The following PXN variants were observed in gnomAD, a reference collection of about 807,000 sequenced individuals.
The protein encoded by PXN is paxillin, also known as testicular tissue protein Li 134.
In PXN, 61 loss-of-function variants were observed where a neutral mutation model predicts 103.6. The ratio of observed to expected loss-of-function variants is 0.59; its 90% CI spans 0.48 to 0.73. The LOEUF is 0.73. Among genes scored for constraint, PXN ranks in the 30% least tolerant of loss-of-function variants. The probability of loss-of-function intolerance (pLI) is 0.00; values close to 1 mark genes in which losing one functional copy is unlikely to be tolerated. For missense variants in PXN, 1,274 were observed against 1,460.3 expected, an observed-to-expected ratio of 0.87 and a Z score of 2.08; for synonymous variants, 562 against 607.8, an observed-to-expected ratio of 0.92 and a Z score of 1.11.
intron 3 of PXN, 55 bp from the exon 4 acceptor site, chr12:120,223,054 G>C (rs1171339234): frequency 3.1e-6 from 5 of 1,611,774 alleles, no homozygotes; most frequent in Non-Finnish European, 4.2e-6. Flanking sequence ...CCTTGTACTG[G>C]CTTGGCAGTT....
rs1402714153 is a variant in PXN at position 120,217,946 on chromosome 12, T to A, written c.1717-830A>T. 6.6e-6 allele frequency among the ~76,000 whole-genome samples: 1 copy of A among 151,708 alleles called. No homozygotes were observed. Among genetic ancestry groups the A allele is most frequent in the Non-Finnish European group, 1.5e-5 (1 of 67,964 alleles). The stretch of plus-strand genomic sequence containing the variant: ...TTTTTTTTTCTTATTTATATTATTA[T>A]GCTAATATTATATTATGCTATTATA... On this transcript the variant is annotated intron_variant, in intron 7 of 14. Transcript: ENST00000637617. This position sits in a 1 kb window ranked among gnomAD's most constrained non-coding sequence, Gnocchi z 4.1.
chr12:120,215,847 AG>A lies in PXN; in HGVS notation c.2302-187del, dbSNP rs1205913469. On this transcript the variant is annotated intron_variant, in intron 9 of 14. Coordinates refer to ENST00000637617, the MANE Select transcript of PXN (RefSeq NM_001385981.1). This position sits in a 1 kb window ranked among gnomAD's most constrained non-coding sequence, Gnocchi z 4.9. ...CCCTGAGAGAGAGGCCTAGGGAGAAAGGAAGAAGGACAGGGAGGGGAGTCGA... is the reference window on the plus strand; with the variant it reads ...CCCTGAGAGAGAGGCCTAGGGAGAAAGAAGAAGGACAGGGAGGGGAGTCGA... 1 of 1,306,894 alleles carries A rather than the reference AG, an allele frequency of 7.7e-7. No homozygotes were observed. Among genetic ancestry groups the A allele is most frequent in the African/African-American group, 1.5e-5 (1 of 65,870 alleles). 81.0% of individuals were successfully genotyped at this position (1,306,894 alleles called of 1,614,324 possible).
Position 120,224,854 on chromosome 12 carries a change from C to A in PXN, c.14-477G>T. On this transcript the variant is annotated intron_variant, in intron 1 of 14. Coordinates refer to ENST00000637617, the MANE Select transcript of PXN (RefSeq NM_001385981.1). This position sits in a 1 kb window ranked among gnomAD's most constrained non-coding sequence, Gnocchi z 5.0. ...TCCCAGCCCCCGACTGGAAGGGGCACTCAGGATGGTCCCTGCCCTCCTAAC... is the reference window on the plus strand; with the variant it reads ...TCCCAGCCCCCGACTGGAAGGGGCAATCAGGATGGTCCCTGCCCTCCTAAC... The A allele has an allele frequency of 2.4e-6, 1 of 413,564 alleles. No homozygotes were observed. Among genetic ancestry groups the A allele is most frequent in the South Asian group, 1.7e-5 (1 of 58,910 alleles). 25.6% of individuals were successfully genotyped at this position (413,564 alleles called of 1,614,324 possible).
At chr12:120,240,973 G>A (rs1890037704) in intron 1 of PXN, among the ~76,000 whole-genome samples, 4 of 152,124 alleles carry the variant, frequency 2.6e-5, no homozygotes, top group African/African-American at 9.7e-5. Flanking sequence ...CCCTTTCAAA[G>A]GGAAAGGGAG....
intron 1 of PXN, among the ~76,000 whole-genome samples, chr12:120,245,136 G>A (rs1890840884): frequency 6.6e-6 from 1 of 152,070 alleles, no homozygotes; most frequent in Non-Finnish European, 1.5e-5. Flanking sequence ...GAGTGTGGCA[G>A]CCCCAGGCCC....
At position 120,220,718 on chromosome 12, in the gene PXN, A is replaced by G. The variant is rs1347861131; in HGVS notation, c.832-627T>C. Among the ~76,000 whole-genome samples, 1 of 152,100 alleles carries G rather than the reference A, an allele frequency of 6.6e-6. No homozygotes were observed. Among genetic ancestry groups the G allele is most frequent in the South Asian group, 2.1e-4 (1 of 4,814 alleles). On this transcript the variant is annotated intron_variant, in intron 6 of 14. Coordinates refer to ENST00000637617, the MANE Select transcript of PXN (RefSeq NM_001385981.1). The surrounding 1 kb of genome is among the most constrained non-coding windows in gnomAD (Gnocchi z 6.1). ...GAACCACTGGCCTGGAGCTGGAACT[A>G]TAGCACGCAAGGGTCACAGGGCCAG... is the stretch of plus-strand genomic sequence containing the variant.
In PXN at chr12:120,265,008, G is replaced by T. The variant is rs552537171; in HGVS notation, c.13+609C>A. Among the ~76,000 whole-genome samples the T allele has an allele frequency of 6.6e-6, 1 of 152,036 alleles. No homozygotes were observed. Among genetic ancestry groups the T allele is most frequent in the Non-Finnish European group, 1.5e-5 (1 of 68,018 alleles). ...TGGGAAACTTGTCTTTGAAATGGGG[G>T]TGTGGTCATCACACGCTCATCTCTA... is the stretch of plus-strand genomic sequence containing the variant. On this transcript the variant is annotated intron_variant, in intron 1 of 14. Transcript: ENST00000637617. This position sits in a 1 kb window ranked among gnomAD's most constrained non-coding sequence, Gnocchi z 5.7.
Position 120,215,587 on chromosome 12 carries a change from G to T in PXN, c.2376C>A (p.Ser792Arg). Residue 792 changes from serine (S) to arginine (R), a missense_variant, in exon 10 of 15, where the codon AGC (serine) becomes AGA (arginine). Around this residue, in one of 2 missense-constraint regions of PXN, gnomAD observed 1,178 missense variants for 1,309.0 expected, o/e 0.90. Transcript: ENST00000637617. This position sits in a 1 kb window ranked among gnomAD's most constrained non-coding sequence, Gnocchi z 4.9. Reference protein sequence around the residue: ...AAGWPRDGGRSSPGGQDEGGF... With the variant: ...AAGWPRDGGRRSPGGQDEGGF... ...CTCCCTCGTCCTGCCCTCCGGGGCT[G>T]CTCCGCCCGCCGTCCCGAGGCCAGC... 1 of 1,606,402 alleles carries T rather than the reference G, an allele frequency of 6.2e-7. No individual in the cohort carries two copies.
chr12:120,230,909 G>C (rs557161443), intron 1 of PXN, among the ~76,000 whole-genome samples: 1 of 152,072 alleles, frequency 6.6e-6, no homozygotes, highest in Non-Finnish European at 1.5e-5. Flanking sequence ...CTGCCAATTT[G>C]GGTTCTTGTC....
At chr12:120,246,793 T>G (rs958020997) in intron 1 of PXN, among the ~76,000 whole-genome samples, 1 of 150,632 alleles carries the variant, frequency 6.6e-6, no homozygotes, top group African/African-American at 2.4e-5. Flanking sequence ...AGGCAGAGGT[T>G]GCAGTGAGCC....
rs779982311 is a variant in PXN, at chr12:120,214,859, G to A, written c.2714C>T (p.Pro905Leu). Residue 905 changes from proline (P) to leucine (L), a missense_variant, in exon 12 of 15, where the codon CCG (proline) becomes CTG (leucine). By Grantham distance (98) the Pro-to-Leu change is moderately conservative (BLOSUM62 -3). Transcript: ENST00000637617. The surrounding 1 kb of genome is among the most constrained non-coding windows in gnomAD (Gnocchi z 5.0). ...GGGGCCGTTGCAGTAGTAGCAGCGCGGGGAGAAGAGGTTGTGGTAGTCCTT... is the reference window on the plus strand; with the variant it reads ...GGGGCCGTTGCAGTAGTAGCAGCGCAGGGAGAAGAGGTTGTGGTAGTCCTT... ...CEKDYHNLFS[P>L]RCYYCNGPIL... The A allele has an allele frequency of 6.2e-6, 10 of 1,613,884 alleles. No homozygotes were observed. The highest frequency in any genetic ancestry group is 1.1e-5 in the South Asian group (1 of 91,090).
In PXN at chr12:120,216,693, T is replaced by A; in HGVS notation, c.1993-112A>T. The A allele has an allele frequency of 6.3e-7, 1 of 1,590,328 alleles. No homozygotes were observed. Among genetic ancestry groups the A allele is most frequent in the Non-Finnish European group, 8.5e-7 (1 of 1,177,146 alleles). On this transcript the variant is annotated intron_variant, in intron 8 of 14. Coordinates refer to ENST00000637617, the MANE Select transcript of PXN (RefSeq NM_001385981.1). The surrounding 1 kb of genome is among the most constrained non-coding windows in gnomAD (Gnocchi z 5.1). The stretch of plus-strand genomic sequence containing the variant: ...GGGCCTTCCCACTCTGCACCAAGAG[T>A]GGGGCCAGTCTTCCAAAGTCACAGG...
intron 1 of PXN, among the ~76,000 whole-genome samples, chr12:120,247,197 G>A (rs1314449017): frequency 6.6e-6 from 1 of 152,122 alleles, no homozygotes; most frequent in African/African-American, 2.4e-5. Flanking sequence ...TTTTCAGCCT[G>A]GGTAGAAATG....
At chr12:120,223,946 G>A in intron 2 of PXN, 113 bp from the exon 3 acceptor site, 1 of 918,446 alleles carries the variant, frequency 1.1e-6, no homozygotes, top group East Asian at 2.6e-5. Context: ...TCTCACCAGG[G>A]AATTTCCACA....
Position 120,216,494 on chromosome 12 carries a change from T to A in PXN, c.2080A>T (p.Thr694Ser). The A allele has an allele frequency of 7.2e-7, 1 of 1,392,930 alleles. No homozygotes were observed. Among genetic ancestry groups the A allele is most frequent in the Non-Finnish European group, 9.2e-7 (1 of 1,082,946 alleles). 86.3% of individuals were successfully genotyped at this position (1,392,930 alleles called of 1,614,324 possible). A position where few individuals can be genotyped will look rare whatever the true frequency, so the allele number is the denominator to read the frequency against. ...GAAGAGCTGCTGGCCGCGGCGTCTG[T>A]GCGATGCTGGAGCAAAGGGACAGAA... ...SPSVPLLQHR[T>S]DAAASSSSPL... The change falls in exon 9 of 15, where the codon ACA becomes TCA. Residue 694 changes from threonine to serine, a missense_variant. This residue lies in a region of PXN where 1,178 missense variants were observed against 1,309.0 expected (regional missense o/e 0.90). Transcript: ENST00000637617. The surrounding 1 kb of genome is among the most constrained non-coding windows in gnomAD (Gnocchi z 5.1).
Position 120,211,922 on chromosome 12 carries a change from A to T in PXN, c.*392T>A, listed in dbSNP as rs760695734. The T allele has an allele frequency of 1.5e-5, 8 of 533,028 alleles. No homozygotes were observed. The highest frequency in any genetic ancestry group is 2.8e-5 in the South Asian group (2 of 71,686). 33.0% of individuals were successfully genotyped at this position (533,028 alleles called of 1,614,324 possible). A position where few individuals can be genotyped will look rare whatever the true frequency, so the allele number is the denominator to read the frequency against. On this transcript the variant is annotated 3_prime_UTR_variant, in exon 15 of 15. Coordinates refer to ENST00000637617, the MANE Select transcript of PXN (RefSeq NM_001385981.1). ...TCGGGGGAGGAATAAGGATAAAAAG[A>T]GACCCCAACAGACCCTGCCTGCCCT...
In PXN at chr12:120,221,498, C is replaced by A; in HGVS notation, c.831+125G>T. 1 of 1,148,832 alleles carries A rather than the reference C, an allele frequency of 8.7e-7. No homozygotes were observed. Among genetic ancestry groups the A allele is most frequent in the South Asian group, 1.5e-5 (1 of 64,736 alleles). The allele number at this position is 1,148,832 out of a possible 1,614,324, so 71.2% of individuals were successfully genotyped here. ...AGCAAGGCCAGGGCATGACAGTGTC[C>A]CTGGCTCAGGGGCAAGGCACCCAAA... is the stretch of plus-strand genomic sequence containing the variant. On this transcript the variant is annotated intron_variant, in intron 6 of 14. Coordinates refer to ENST00000637617, the MANE Select transcript of PXN (RefSeq NM_001385981.1). This position sits in a 1 kb window ranked among gnomAD's most constrained non-coding sequence, Gnocchi z 6.6.
chr12:120,222,615 A>C lies in PXN; in HGVS notation c.629T>G (p.Leu210Arg). 1 of 1,609,654 alleles carries C rather than the reference A, an allele frequency of 6.2e-7. No homozygotes were observed. Among genetic ancestry groups the C allele is most frequent in the Non-Finnish European group, 8.5e-7 (1 of 1,178,276 alleles). The change falls in exon 5 of 15, where the codon CTG becomes CGG. Residue 210 changes from leucine to arginine, a missense_variant. Leu to Arg is a moderately radical substitution (Grantham distance 102). This residue lies in a region of PXN where 1,178 missense variants were observed against 1,309.0 expected (regional missense o/e 0.90). Coordinates refer to ENST00000637617, the MANE Select transcript of PXN (RefSeq NM_001385981.1). The surrounding 1 kb of genome is among the most constrained non-coding windows in gnomAD (Gnocchi z 4.7). ...CTCCACACTGGGCCGCACGTCCTCC[A>C]GGCCCCGGCCCCCATTCCGCTTAGG... Reference protein sequence around the residue: ...EKPKRNGGRGLEDVRPSVESL... With the variant: ...EKPKRNGGRGREDVRPSVESL...
chr12:120,213,737 C>T lies in PXN; in HGVS notation c.2979+105G>A, dbSNP rs1276675616. 8 of 1,446,860 alleles carry T rather than the reference C, an allele frequency of 5.5e-6. No homozygotes were observed. Among genetic ancestry groups the T allele is most frequent in the South Asian group, 1.3e-5 (1 of 77,516 alleles). 89.6% of individuals were successfully genotyped at this position (1,446,860 alleles called of 1,614,324 possible). ...CCTGCCTGCTCCCCCAATTAATAAC[C>T]CCAAATGAGGCCTCTGAGTTGGATC... On this transcript the variant is annotated intron_variant, in intron 14 of 14. Transcript: ENST00000637617. The surrounding 1 kb of genome is among the most constrained non-coding windows in gnomAD (Gnocchi z 4.2).
Sources: gnomAD v4.1 joint callset for allele counts (sites outside exome capture counted in the v4.1 genomes callset) on GRCh38, gnomAD v4.1.1 for gene constraint, gnomAD v4.1.1 regional missense constraint, Gnocchi (gnomAD v3.1) non-coding constraint, MANE v1.5 for transcripts, NCBI Gene and HGNC (gene_info 2026-07-23, HGNC 2026-07-21) for gene names.